The following KCNK2 variants were observed in gnomAD, a reference collection of about 807,000 sequenced individuals.
The protein encoded by KCNK2 is potassium two pore domain channel subfamily K member 2, also known as potassium channel subfamily K member 2.
KCNK2 carries 21 observed loss-of-function variants against 40.5 expected under a neutral mutation model. The observed-to-expected ratio is 0.52, with a 90% confidence interval of 0.37 to 0.75. The LOEUF is 0.75. Among genes scored for constraint, KCNK2 ranks in the 30% least tolerant of loss-of-function variants. KCNK2 has a pLI of 0.00. For missense variants in KCNK2, 399 were observed against 531.6 expected (o/e 0.75, Z 2.45); for synonymous variants, 191 against 202.2 (o/e 0.94, Z 0.47).
At chr1:215,163,125 C>A (rs1176601404) in intron 3 of KCNK2, among the ~76,000 whole-genome samples, 2 of 152,016 alleles carry the variant, frequency 1.3e-5, no homozygotes, top group African/African-American at 4.8e-5. Flanking sequence ...TTGTAGTTCT[C>A]CTTGAAGAGG....
chr1:215,014,621 A>G (rs1445041890), intron 1 of KCNK2, among the ~76,000 whole-genome samples: 3 of 152,108 alleles, frequency 2.0e-5, no homozygotes, highest in Non-Finnish European at 4.4e-5. Flanking sequence ...CTAGGCTCAA[A>G]AAATTGATTG....
chr1:215,086,512 C>T lies in KCNK2; in HGVS notation c.191C>T (p.Thr64Met), dbSNP rs1020025325. Residue 64 changes from threonine (T) to methionine (M), a missense_variant, in exon 2 of 7, where the codon ACG becomes ATG. Thr to Met is a moderately conservative substitution (Grantham distance 81, BLOSUM62 -1). Around this residue, in one of 3 missense-constraint regions of KCNK2, gnomAD observed 279 missense variants for 353.8 expected, o/e 0.79. Coordinates refer to ENST00000444842, the MANE Select transcript of KCNK2 (RefSeq NM_001017425.3). ...INVMKWKTVSTIFLVVVLYLI... is the reference protein window; with the variant it reads ...INVMKWKTVSMIFLVVVLYLI... ...GTTATGAAATGGAAGACGGTCTCCA[C>T]GATATTCCTGGTGGTTGTCCTCTAT... The T allele has an allele frequency of 5.6e-6, 9 of 1,614,020 alleles. No homozygotes were observed. The highest frequency in any genetic ancestry group is 2.2e-5 in the East Asian group (1 of 44,884).
chr1:215,022,004 T>G (rs1656813715), intron 1 of KCNK2, among the ~76,000 whole-genome samples: 1 of 151,976 alleles, frequency 6.6e-6, no homozygotes, highest in Non-Finnish European at 1.5e-5. Flanking sequence ...TTGGCTCAAC[T>G]GTATTGTACC....
Position 215,084,961 on chromosome 1 carries a change from T to G in KCNK2, c.47-1407T>G, listed in dbSNP as rs200958731. ...TTTAAATATCTTTGTTTGCAAAGCT[T>G]CTTTTTGATGGGGAATTACAGATGT... On this transcript the variant is annotated intron_variant, in intron 1 of 6. Coordinates refer to ENST00000444842, the MANE Select transcript of KCNK2 (RefSeq NM_001017425.3). 5.3e-5 allele frequency among the ~76,000 whole-genome samples: 8 copies of G among 152,228 alleles called. No individual in the cohort carries two copies. The East Asian group carries it at 1.5e-3, about 29-fold the overall frequency.
rs1417838381 is a variant in KCNK2 at position 215,042,120 on chromosome 1, G to T, written c.34+36165G>T. ...TTACCTCCCACGGGTTCCCTCCCAT[G>T]ACTCGTGGGAATTATGGGAGCTGCA... is the stretch of plus-strand genomic sequence containing the variant. On this transcript the variant is annotated intron_variant, in intron 1 of 6. Coordinates refer to the KCNK2 transcript ENST00000391895. 2.0e-5 allele frequency among the ~76,000 whole-genome samples: 3 copies of T among 152,110 alleles called. No homozygotes were observed. In the East Asian group the frequency reaches 5.8e-4, roughly 29 times the overall value.
At chr1:215,062,170 C>T (rs1033290711) in intron 1 of KCNK2, among the ~76,000 whole-genome samples, 10 of 152,020 alleles carry the variant, frequency 6.6e-5, no homozygotes, top group Admixed American at 2.0e-4. Context: ...ATTGTCTAAG[C>T]CTGTTCAAAA....
chr1:215,095,767 G>A (rs1312921746), intron 2 of KCNK2, among the ~76,000 whole-genome samples: 1 of 152,058 alleles, frequency 6.6e-6, no homozygotes, highest in African/African-American at 2.4e-5. Context: ...TGTAAACCCA[G>A]TAAACACTGC....
intron 3 of KCNK2, among the ~76,000 whole-genome samples, chr1:215,132,324 A>G (rs749994398): frequency 6.6e-6 from 1 of 152,192 alleles, no homozygotes; most frequent in Non-Finnish European, 1.5e-5. Context: ...TTCCCAAAGG[A>G]TGTCGTCATT....
In KCNK2 at chr1:215,142,271, C is replaced by G. The variant is rs191369672; in HGVS notation, c.475+17521C>G. ...TGTGATTTCCAAACATATTCTGGGT[C>G]CTGCAGTATACTATTTTTGGAGACA... On this transcript the variant is annotated intron_variant, in intron 3 of 6. Coordinates refer to ENST00000444842, the MANE Select transcript of KCNK2 (RefSeq NM_001017425.3). Among the ~76,000 whole-genome samples the G allele has an allele frequency of 8.9e-4, 136 of 152,142 alleles. 1 individual carries two copies. Among genetic ancestry groups the G allele is most frequent in the African/African-American group, 3.1e-3 (130 of 41,530 alleles).
At chr1:215,098,604 C>A (rs1206587748) in intron 2 of KCNK2, among the ~76,000 whole-genome samples, 2 of 151,912 alleles carry the variant, frequency 1.3e-5, no homozygotes, top group Non-Finnish European at 2.9e-5. Context: ...AGAACAGATA[C>A]CTAGCATTAC....
At chr1:215,228,156 A>G (rs1374569244) in intron 6 of KCNK2, among the ~76,000 whole-genome samples, 1 of 152,168 alleles carries the variant, frequency 6.6e-6, no homozygotes, top group Non-Finnish European at 1.5e-5. Flanking sequence ...GGATGTGATT[A>G]TCCGGGGAGA....
intron 1 of KCNK2, among the ~76,000 whole-genome samples, chr1:215,084,928 T>C (rs1659365551): frequency 6.6e-6 from 1 of 152,222 alleles, no homozygotes; most frequent in Admixed American, 6.5e-5. Context: ...ACTACTTAGG[T>C]CTAGTGTTTT....
chr1:215,138,803 G>C (rs187880855), intron 3 of KCNK2, among the ~76,000 whole-genome samples: 1 of 152,252 alleles, frequency 6.6e-6, no homozygotes, highest in African/African-American at 2.4e-5. Context: ...AAATCACTTC[G>C]CATACACTCT....
chr1:215,023,577 G>C (rs567933112), intron 1 of KCNK2, among the ~76,000 whole-genome samples: 4 of 152,158 alleles, frequency 2.6e-5, no homozygotes, highest in African/African-American at 7.2e-5. Context: ...CAGTGAGCCC[G>C]ACCATGTTAT....
At chr1:215,056,614 T>TA (rs1658177943) in intron 1 of KCNK2, among the ~76,000 whole-genome samples, 6 of 74,022 alleles carry the variant, frequency 8.1e-5, no homozygotes, top group African/African-American at 1.9e-4. Flanking sequence ...TTGTGTCCAC[T>TA]CTTTTTTTTT....
chr1:215,204,315 T>A (rs2102676805), intron 6 of KCNK2, among the ~76,000 whole-genome samples: 1 of 151,950 alleles, frequency 6.6e-6, no homozygotes, highest in East Asian at 1.9e-4. Context: ...GTATAAATGG[T>A]AACTTTTTTT....
intron 1 of KCNK2, among the ~76,000 whole-genome samples, chr1:215,065,406 A>G (rs910481756): frequency 1.5e-4 from 6 of 39,118 alleles, no homozygotes; most frequent in Non-Finnish European, 1.5e-4. Flanking sequence ...AATATTCAGA[A>G]AAAAAAAAGA....
Position 215,083,103 on chromosome 1 carries a change from G to T in KCNK2, c.-283G>T, listed in dbSNP as rs1168329867. 1 of 486,768 alleles carries T rather than the reference G, an allele frequency of 2.1e-6. No individual in the cohort carries two copies. Among genetic ancestry groups the T allele is most frequent in the East Asian group, 3.6e-5 (1 of 27,996 alleles). 30.2% of individuals were successfully genotyped at this position (486,768 alleles called of 1,614,324 possible). ...CCCGGCAGCAGGCGCGCGCGGGGGC[G>T]GCGGCGCCCAAGCCCAACTTGGCCT... is the stretch of plus-strand genomic sequence containing the variant. On this transcript the variant is annotated 5_prime_UTR_variant, in exon 1 of 7. Transcript: ENST00000444842.
Position 215,230,682 on chromosome 1 carries a change from A to G in KCNK2, c.964-4146A>G, listed in dbSNP as rs1366101297. Among the ~76,000 whole-genome samples, 6 of 146,198 alleles carry G rather than the reference A, an allele frequency of 4.1e-5. 1 individual carries two copies. The highest frequency in any genetic ancestry group is 6.0e-5 in the Non-Finnish European group (4 of 66,356). ...CCTATTTTATAGATAAGGAATCTGA[A>G]GCTTAAAGAAGGTTAAATTGCATGG... On this transcript the variant is annotated intron_variant, in intron 6 of 6. Coordinates refer to ENST00000444842, the MANE Select transcript of KCNK2 (RefSeq NM_001017425.3).
Sources: gnomAD v4.1 joint callset for allele counts (sites outside exome capture counted in the v4.1 genomes callset) on GRCh38, gnomAD v4.1.1 for gene constraint, gnomAD v4.1.1 regional missense constraint, MANE v1.5 for transcripts, NCBI Gene and HGNC (gene_info 2026-07-23, HGNC 2026-07-21) for gene names.